PLA2G12B: variants seen among roughly 807,000 people sequenced by gnomAD.
PLA2G12B encodes phospholipase A2 group XIIB.
Under a neutral mutation model 22.3 loss-of-function variants are expected in PLA2G12B, and 19 were observed. That is an observed-to-expected ratio of 0.85 (90% CI 0.60 to 1.25). The LOEUF (loss-of-function observed/expected upper bound fraction) is 1.25, where lower values mean the gene tolerates loss of function less well. Among genes scored for constraint, PLA2G12B ranks in the 50% most tolerant of loss-of-function variants. PLA2G12B has a pLI of 0.00. For synonymous variants in PLA2G12B, 81 were observed against 94.9 expected, an observed-to-expected ratio of 0.85 and a Z score of 0.85; for missense variants, 191 against 246.6, an observed-to-expected ratio of 0.77 and a Z score of 1.51.
chr10:72,950,640 C>T (rs1285815215), intron 1 of PLA2G12B, among the ~76,000 whole-genome samples: 2 of 151,982 alleles, frequency 1.3e-5, no homozygotes, highest in African/African-American at 2.4e-5. Context: ...CCACCACGCC[C>T]GGCTAATTTT....
At chr10:72,949,500 T>C (rs185905202) in intron 1 of PLA2G12B, among the ~76,000 whole-genome samples, 23 of 152,346 alleles carry the variant, frequency 1.5e-4, no homozygotes, top group Admixed American at 1.3e-4. Context: ...TTTTGTAGTA[T>C]ACATATTATG....
chr10:72,938,214 G>A (rs1248143996), intron 3 of PLA2G12B, among the ~76,000 whole-genome samples: 7 of 151,940 alleles, frequency 4.6e-5, no homozygotes, highest in South Asian at 4.1e-4. Context: ...AATAAAGGTC[G>A]TCTAATGACA....
chr10:72,949,413 G>A lies in PLA2G12B; in HGVS notation c.211+5062C>T, dbSNP rs77596118. Among the ~76,000 whole-genome samples, 1,430 of 152,054 alleles carry A rather than the reference G, an allele frequency of 9.4e-3. 25 individuals carry two copies. The highest frequency in any genetic ancestry group is 0.032 in the African/African-American group (1,337 of 41,476). ...GCAAACCATTTAGTTTTTCTTTTCT[G>A]TTAATTGCCTATTTCCATTCTTTGC... On this transcript the variant is annotated intron_variant, in intron 1 of 3. Transcript: ENST00000373032.
In PLA2G12B at chr10:72,934,925, C is replaced by T. The variant is rs536693889; in HGVS notation, c.*692G>A. On this transcript the variant is annotated 3_prime_UTR_variant, in exon 4 of 4. Transcript: ENST00000373032. ...TCAGATCTTAGCATGACTCTAACACCATTTAGTAACTGGGAATACCAATGG... is the reference window on the plus strand; with the variant it reads ...TCAGATCTTAGCATGACTCTAACACTATTTAGTAACTGGGAATACCAATGG... Among the ~76,000 whole-genome samples, 2 of 152,268 alleles carry T rather than the reference C, an allele frequency of 1.3e-5. No homozygotes were observed. Among genetic ancestry groups the T allele is most frequent in the South Asian group, 4.2e-4 (2 of 4,818 alleles).
chr10:72,953,338 A>AT (rs1846562741), intron 1 of PLA2G12B, among the ~76,000 whole-genome samples: 1 of 152,242 alleles, frequency 6.6e-6, no homozygotes, highest in Admixed American at 6.5e-5. Flanking sequence ...TAAGGAAGCG[A>AT]TTTTCCCCAC....
Position 72,935,445 on chromosome 10 carries a change from T to A in PLA2G12B, c.*172A>T. 1 of 965,576 alleles carries A rather than the reference T, an allele frequency of 1.0e-6. No homozygotes were observed. The highest frequency in any genetic ancestry group is 2.6e-5 in the East Asian group (1 of 38,458). 59.8% of individuals were successfully genotyped at this position (965,576 alleles called of 1,614,324 possible). A position where few individuals can be genotyped will look rare whatever the true frequency, so the allele number is the denominator to read the frequency against. On this transcript the variant is annotated 3_prime_UTR_variant, in exon 4 of 4. Transcript: ENST00000373032. ...AACCACTCCATGTCTTTTTTCAAATTTCCTCAAAGGATAGGACTCACTTTC... is the reference window on the plus strand; with the variant it reads ...AACCACTCCATGTCTTTTTTCAAATATCCTCAAAGGATAGGACTCACTTTC...
At chr10:72,946,267 T>C (rs1846439160) in intron 1 of PLA2G12B, among the ~76,000 whole-genome samples, 1 of 152,232 alleles carries the variant, frequency 6.6e-6, no homozygotes, top group Non-Finnish European at 1.5e-5. Context: ...GTTTCATACA[T>C]GTTGTAGTAT....
chr10:72,945,964 ATC>A (rs1175555468), intron 1 of PLA2G12B, among the ~76,000 whole-genome samples: 1 of 151,954 alleles, frequency 6.6e-6, no homozygotes, highest in Non-Finnish European at 1.5e-5. Flanking sequence ...TATGATTTTA[ATC>A]TCTTTGTTAT....
intron 1 of PLA2G12B, among the ~76,000 whole-genome samples, chr10:72,952,832 T>C (rs1479432762): frequency 1.3e-5 from 2 of 152,310 alleles, no homozygotes; most frequent in Non-Finnish European, 2.9e-5. Flanking sequence ...TGCTGCTGGC[T>C]TCCACCCTGC....
intron 1 of PLA2G12B, among the ~76,000 whole-genome samples, chr10:72,946,150 C>T (rs1846437187): frequency 6.6e-6 from 1 of 152,186 alleles, no homozygotes; most frequent in African/African-American, 2.4e-5. Flanking sequence ...TTAACCACCT[C>T]TCCCATCTCC....
At chr10:72,954,383 A>C in intron 1 of PLA2G12B, 92 bp downstream of exon 1, 7 of 1,505,638 alleles carry the variant, frequency 4.6e-6, no homozygotes, top group Non-Finnish European at 6.4e-6. Context: ...AGTGGATAAC[A>C]GGAAAAAGTG....
intron 3 of PLA2G12B, among the ~76,000 whole-genome samples, chr10:72,937,300 C>T (rs564956438): frequency 7.9e-5 from 12 of 152,230 alleles, no homozygotes; most frequent in Non-Finnish European, 1.6e-4. Context: ...TGGACAAATT[C>T]GTAGAAAGAC....
chr10:72,941,813 CGTGTGT>C (rs57931341), intron 2 of PLA2G12B, among the ~76,000 whole-genome samples: 4 of 148,778 alleles, frequency 2.7e-5, no homozygotes, highest in African/African-American at 7.4e-5. Flanking sequence ...TAAGGGTGTG[CGTGTGT>C]GTGTGTGTGT....
At chr10:72,952,710 C>A (rs993105220) in intron 1 of PLA2G12B, among the ~76,000 whole-genome samples, 2 of 152,142 alleles carry the variant, frequency 1.3e-5, no homozygotes, top group African/African-American at 4.8e-5. Flanking sequence ...GAGGCATAAC[C>A]GCCTATTTTT....
chr10:72,944,162 T>C (rs1846405857), intron 1 of PLA2G12B, among the ~76,000 whole-genome samples: 1 of 152,058 alleles, frequency 6.6e-6, no homozygotes, highest in South Asian at 2.1e-4. Flanking sequence ...TCATGAAATA[T>C]TTCAAAACTG....
rs891342623 is a variant in PLA2G12B, at chr10:72,935,881, G to A, written c.467-143C>T. The A allele has an allele frequency of 8.3e-6, 10 of 1,202,022 alleles. No individual in the cohort carries two copies. In the Admixed American group the frequency reaches 1.5e-4, roughly 18 times the overall value. 74.5% of individuals were successfully genotyped at this position (1,202,022 alleles called of 1,614,324 possible). A position where few individuals can be genotyped will look rare whatever the true frequency, so the allele number is the denominator to read the frequency against. On this transcript the variant is annotated intron_variant, in intron 3 of 3. Transcript: ENST00000373032. Reference sequence around the variant, plus strand: ...AGGAAGAGCATCCATTTCAGAGAATGTTCTCAGAAAAGCTCCCATCCAATC... The same window carrying A: ...AGGAAGAGCATCCATTTCAGAGAATATTCTCAGAAAAGCTCCCATCCAATC...
chr10:72,936,224 G>A lies in PLA2G12B; in HGVS notation c.467-486C>T, dbSNP rs545230137. ...AGGAGCCAAAGATACAGAGACAAAA[G>A]GCATCCTCAACTTAAGTACTCCACA... On this transcript the variant is annotated intron_variant, in intron 3 of 3. Transcript: ENST00000373032. Among the ~76,000 whole-genome samples, 6 of 152,246 alleles carry A rather than the reference G, an allele frequency of 3.9e-5. No individual in the cohort carries two copies. In the East Asian group the frequency reaches 1.2e-3, roughly 29 times the overall value.
At chr10:72,937,658 T>G (rs920670562) in intron 3 of PLA2G12B, among the ~76,000 whole-genome samples, 2 of 152,142 alleles carry the variant, frequency 1.3e-5, no homozygotes, top group African/African-American at 4.8e-5. Flanking sequence ...AGTAGTAAAC[T>G]GAATCCAGTA....
chr10:72,944,909 A>T (rs1029009530), intron 1 of PLA2G12B, among the ~76,000 whole-genome samples: 16 of 152,184 alleles, frequency 1.1e-4, no homozygotes, highest in Non-Finnish European at 5.9e-5. Context: ...TCTTCAGTAA[A>T]CACACTCCAG....
Sources: gnomAD v4.1 joint callset for allele counts (sites outside exome capture counted in the v4.1 genomes callset) on GRCh38, gnomAD v4.1.1 for gene constraint, MANE v1.5 for transcripts, NCBI Gene and HGNC (gene_info 2026-07-23, HGNC 2026-07-21) for gene names.